The following SEM1 variants were observed in gnomAD, a reference collection of about 807,000 sequenced individuals.
SEM1 encodes 26S proteasome complex subunit SEM1.
In SEM1, 3 loss-of-function variants were observed where a neutral mutation model predicts 12.7. That is an observed-to-expected ratio of 0.24 (90% confidence interval 0.11 to 0.61). The LOEUF (loss-of-function observed/expected upper bound fraction) is 0.61. Among genes scored for constraint, SEM1 ranks in the 20% least tolerant of loss-of-function variants. SEM1 has a pLI of 0.88. For missense variants in SEM1, 59 were observed against 81.3 expected, an observed-to-expected ratio of 0.73 and a Z score of 1.06; for synonymous variants, 30 against 27.8, an observed-to-expected ratio of 1.08 and a Z score of -0.25.
intron 2 of SEM1, chr7:96,645,672 T>C (rs1808766187): frequency 2.5e-6 from 1 of 397,318 alleles, no homozygotes; most frequent in Non-Finnish European, 4.4e-6. Flanking sequence ...AGTAGTTTTA[T>C]TTTCAATCTT....
intron 2 of SEM1, among the ~76,000 whole-genome samples, chr7:96,615,490 G>A (rs1807687011): frequency 6.6e-6 from 1 of 151,962 alleles, no homozygotes; most frequent in Admixed American, 6.6e-5. Flanking sequence ...CCTGATGTCA[G>A]GTAATCTGCC....
chr7:96,622,633 T>G, exon 3 of SEM1: 1 of 764,922 alleles, frequency 1.3e-6, no homozygotes, highest in East Asian at 2.4e-5. Flanking sequence ...TCCAGTTCAC[T>G]GTATCCAGCC....
intron 2 of SEM1, among the ~76,000 whole-genome samples, chr7:96,603,215 C>T (rs1385023407): frequency 6.6e-6 from 1 of 152,124 alleles, no homozygotes; most frequent in Non-Finnish European, 1.5e-5. Context: ...AATATACCCT[C>T]CTGCTCTGAG....
chr7:96,671,780 G>A (rs1358792845), downstream of SEM1, among the ~76,000 whole-genome samples: 1 of 152,184 alleles, frequency 6.6e-6, no homozygotes, highest in Non-Finnish European at 1.5e-5. Context: ...ATGCTCCTCA[G>A]AGAGCAGAAT....
downstream of SEM1, among the ~76,000 whole-genome samples, chr7:96,620,851 C>A (rs971564102): frequency 6.6e-6 from 1 of 152,098 alleles, no homozygotes; most frequent in African/African-American, 2.4e-5. Flanking sequence ...TATATTTTTG[C>A]ATACCTGTTT....
At chr7:96,563,867 T>TA (rs997563798) in intron 2 of SEM1, among the ~76,000 whole-genome samples, 5 of 104,464 alleles carry the variant, frequency 4.8e-5, no homozygotes, top group African/African-American at 1.1e-4. Context: ...ATAAATTCAG[T>TA]AAAAAATTCA....
chr7:96,610,701 A>G (rs1182669853), intron 2 of SEM1, among the ~76,000 whole-genome samples: 1 of 152,216 alleles, frequency 6.6e-6, no homozygotes, highest in Non-Finnish European at 1.5e-5. Context: ...GTCTTGGTCA[A>G]TGGCTTAAGT....
intron 2 of SEM1, among the ~76,000 whole-genome samples, chr7:96,531,606 GAAAA>G (rs5885966): frequency 3.9e-5 from 5 of 129,756 alleles, no homozygotes; most frequent in Admixed American, 7.7e-5. Context: ...ACTCTGTGTG[GAAAA>G]AAAAAAAAAA....
chr7:96,519,121 T>G (rs1804189384), intron 2 of SEM1, among the ~76,000 whole-genome samples: 1 of 152,092 alleles, frequency 6.6e-6, no homozygotes, highest in African/African-American at 2.4e-5. Context: ...ACCTAGATTT[T>G]TATGCACTGG....
At chr7:96,683,641 T>C (rs1212296936) in intron 2 of SEM1, among the ~76,000 whole-genome samples, 3 of 152,120 alleles carry the variant, frequency 2.0e-5, no homozygotes, top group African/African-American at 7.2e-5. Flanking sequence ...CAAATGGCCA[T>C]CAATGATAGA....
chr7:96,675,101 C>A (rs775574651), intron 2 of SEM1, among the ~76,000 whole-genome samples: 1 of 151,756 alleles, frequency 6.6e-6, no homozygotes, highest in African/African-American at 2.4e-5. Context: ...CCCCACCCCC[C>A]AAAAATAAAT....
At chr7:96,630,053 C>T (rs1399807752) in intron 2 of SEM1, among the ~76,000 whole-genome samples, 1 of 152,206 alleles carries the variant, frequency 6.6e-6, no homozygotes, top group Non-Finnish European at 1.5e-5. Flanking sequence ...GTGGCCACCA[C>T]CACTAGCACT....
chr7:96,503,079 C>G (rs953062755), intron 3 of SEM1, among the ~76,000 whole-genome samples: 1 of 152,128 alleles, frequency 6.6e-6, no homozygotes, highest in Non-Finnish European at 1.5e-5. Context: ...TGGTCAGCAA[C>G]AGAATACACT....
chr7:96,708,666 GAAGTT>G (rs1790545986), intron 1 of SEM1, among the ~76,000 whole-genome samples: 1 of 152,194 alleles, frequency 6.6e-6, no homozygotes, highest in Admixed American at 6.5e-5. Context: ...CAGTACAGCT[GAAGTT>G]AAGAGCTTTG....
chr7:96,629,889 G>A (rs779434321), intron 2 of SEM1, among the ~76,000 whole-genome samples: 17 of 152,320 alleles, frequency 1.1e-4, no homozygotes, highest in Non-Finnish European at 2.5e-4. Context: ...GACTCATAGA[G>A]GTACTGCCTT....
chr7:96,550,275 C>G (rs961807095), intron 2 of SEM1, among the ~76,000 whole-genome samples: 14 of 152,072 alleles, frequency 9.2e-5, no homozygotes, highest in African/African-American at 3.4e-4. Flanking sequence ...AAAGGCTAAA[C>G]AAAGCTATTC....
At chr7:96,507,981 T>C (rs1803810028) in intron 2 of SEM1, among the ~76,000 whole-genome samples, 1 of 152,138 alleles carries the variant, frequency 6.6e-6, no homozygotes, top group African/African-American at 2.4e-5. Flanking sequence ...GTTTGCTTTT[T>C]GTGTTCTCTA....
intron 2 of SEM1, among the ~76,000 whole-genome samples, chr7:96,683,002 T>C (rs1789659873): frequency 6.6e-6 from 1 of 151,928 alleles, no homozygotes; most frequent in Non-Finnish European, 1.5e-5. Flanking sequence ...AAAACCACAA[T>C]GAGATACCAC....
chr7:96,586,458 G>C (rs559333677), intron 2 of SEM1, among the ~76,000 whole-genome samples: 2 of 152,282 alleles, frequency 1.3e-5, no homozygotes, highest in East Asian at 3.9e-4. Flanking sequence ...CATAACTGCT[G>C]CTAGCCATTA....
Sources: allele counts gnomAD v4.1 joint callset (sites outside exome capture counted in the v4.1 genomes callset), GRCh38; gene constraint gnomAD v4.1.1; transcripts MANE v1.5; gene names NCBI Gene and HGNC (gene_info 2026-07-23, HGNC 2026-07-21).